Variants in KCP observed in about 807,000 individuals in gnomAD.
The protein encoded by KCP is kielin cysteine rich BMP regulator.
KCP carries 194 observed loss-of-function variants against 212.7 expected under a neutral mutation model. That is an observed-to-expected ratio of 0.91 (90% CI 0.81 to 1.03). The LOEUF is 1.03. Ranked by LOEUF, KCP falls within the 50% of genes least tolerant of loss-of-function variation. The pLI is 0.00. For synonymous variants in KCP, 833 were observed against 865.3 expected (o/e 0.96, Z 0.65); for missense variants, 2,080 against 2,162.5 (o/e 0.96, Z 0.76).
intron 13 of KCP, 96 bp from the exon 14 acceptor site, chr7:128,893,117 G>A (rs1794280719): frequency 5.5e-6 from 6 of 1,099,378 alleles, no homozygotes; most frequent in South Asian, 4.1e-5. Flanking sequence ...CATCCCCGCT[G>A]ACACTGTAGA....
intron 27 of KCP, 75 bp from the exon 28 acceptor site, chr7:128,884,938 A>G (rs760093408): frequency 2.7e-6 from 4 of 1,484,920 alleles, no homozygotes; most frequent in East Asian, 4.9e-5. Context: ...GGAGTCCTCT[A>G]TCTCCAGCCT....
chr7:128,890,891 C>G lies in KCP; in HGVS notation c.2164+14G>C. 8.0e-7 allele frequency: 1 copy of G among 1,248,528 alleles called. No individual in the cohort carries two copies. The highest frequency in any genetic ancestry group is 1.0e-6 in the Non-Finnish European group (1 of 1,000,996). 77.3% of individuals were successfully genotyped at this position (1,248,528 alleles called of 1,614,324 possible). A position where few individuals can be genotyped will look rare whatever the true frequency, so the allele number is the denominator to read the frequency against. ...GGACGCGGGTGGCCGGGAGGGGCACCGCCAGGGCGTTACCGTCGCAGGAGG... is the reference window on the plus strand; with the variant it reads ...GGACGCGGGTGGCCGGGAGGGGCACGGCCAGGGCGTTACCGTCGCAGGAGG... On this transcript the variant is annotated intron_variant, in intron 20 of 39. Transcript: ENST00000610776.
chr7:128,903,681 G>A lies in KCP; in HGVS notation c.748+46C>T, dbSNP rs376244988. 457 of 1,442,194 alleles carry A rather than the reference G, an allele frequency of 3.2e-4. No individual in the cohort carries two copies. The African/African-American group carries it at 5.1e-3, about 16-fold the overall frequency. 89.3% of individuals were successfully genotyped at this position (1,442,194 alleles called of 1,614,324 possible). On this transcript the variant is annotated intron_variant, in intron 7 of 39. Transcript: ENST00000610776. ...GGCTCTGGAATTCAAGAAATGGCAC[G>A]ACAACCTACCTGTGGCTCTACCAGG... is the stretch of plus-strand genomic sequence containing the variant.
At position 128,879,832 on chromosome 7, in the gene KCP, G is replaced by A. The variant is rs1018377894; in HGVS notation, c.3933-3C>T. On this transcript the variant is annotated splice_region_variant and splice_polypyrimidine_tract_variant and intron_variant, in intron 35 of 39. Coordinates refer to ENST00000610776, the MANE Select transcript of KCP (RefSeq NM_001366122.1). Reference sequence around the variant, plus strand: ...GGTCATCATTGGTCACGTGCACACTGTGGGCAGGAAAGTCCCAGGTGCCAA... The same window carrying A: ...GGTCATCATTGGTCACGTGCACACTATGGGCAGGAAAGTCCCAGGTGCCAA... The A allele has an allele frequency of 5.0e-5, 77 of 1,551,048 alleles. No homozygotes were observed. The Admixed American group carries it at 1.5e-3, about 30-fold the overall frequency.
chr7:128,882,421 T>C (rs1585198321), intron 29 of KCP, among the ~76,000 whole-genome samples: 1 of 152,320 alleles, frequency 6.6e-6, no homozygotes, highest in African/African-American at 2.4e-5. Context: ...ACTCAGTGCC[T>C]GTGCTTATTA....
rs1793690728 is a variant in KCP, at chr7:128,886,968, T to C, written c.2599-2A>G. The C allele has an allele frequency of 6.8e-7, 1 of 1,473,360 alleles. No individual in the cohort carries two copies. The highest frequency in any genetic ancestry group is 9.3e-7 in the Non-Finnish European group (1 of 1,080,040). 91.3% of individuals were successfully genotyped at this position (1,473,360 alleles called of 1,614,324 possible). ...CTTCTGGCAGCGCATGGAACCTTCCTGGGGGAGAGAGGCCCATCACACCCT... is the reference window on the plus strand; with the variant it reads ...CTTCTGGCAGCGCATGGAACCTTCCCGGGGGAGAGAGGCCCATCACACCCT... On this transcript the variant is annotated splice_acceptor_variant, in intron 23 of 39. Transcript: ENST00000610776. LOFTEE classifies it high-confidence loss of function.
chr7:128,907,466 G>C lies in KCP; in HGVS notation c.220-13C>G. 6.9e-7 allele frequency: 1 copy of C among 1,454,960 alleles called. No individual in the cohort carries two copies. Among genetic ancestry groups the C allele is most frequent in the Non-Finnish European group, 9.1e-7 (1 of 1,094,310 alleles). The allele number at this position is 1,454,960 out of a possible 1,614,324, so 90.1% of individuals were successfully genotyped here. Reference sequence around the variant, plus strand: ...GCAGGTCCTTATTCTGGAGGAAGGAGATGGAATAGCAGGCACTGGCTCAGC... The same window carrying C: ...GCAGGTCCTTATTCTGGAGGAAGGACATGGAATAGCAGGCACTGGCTCAGC... On this transcript the variant is annotated splice_polypyrimidine_tract_variant and intron_variant, in intron 2 of 39. Coordinates refer to ENST00000610776, the MANE Select transcript of KCP (RefSeq NM_001366122.1).
chr7:128,903,473 G>A (rs991640876), intron 7 of KCP: 2 of 552,784 alleles, frequency 3.6e-6, no homozygotes, highest in African/African-American at 1.9e-5. Context: ...TGATTGGGGA[G>A]CACAAAGTAG....
intron 29 of KCP, among the ~76,000 whole-genome samples, chr7:128,882,684 C>A (rs553558496): frequency 6.6e-6 from 1 of 152,112 alleles, no homozygotes; most frequent in African/African-American, 2.4e-5. Context: ...GCATTATGAA[C>A]GTATTTAATA....
rs1055723109 is a variant in KCP at position 128,877,263 on chromosome 7, G to A, written c.4667C>T (p.Pro1556Leu). 2 of 1,500,294 alleles carry A rather than the reference G, an allele frequency of 1.3e-6. No homozygotes were observed. The highest frequency in any genetic ancestry group is 2.5e-5 in the East Asian group (1 of 40,494). The allele number at this position is 1,500,294 out of a possible 1,614,324, so 92.9% of individuals were successfully genotyped here. A position where few individuals can be genotyped will look rare whatever the true frequency, so the allele number is the denominator to read the frequency against. Residue 1556 changes from proline to leucine, a missense_variant, in exon 40 of 40, where the codon CCA (proline) becomes CTA (leucine). Coordinates refer to ENST00000610776, the MANE Select transcript of KCP (RefSeq NM_001366122.1). ...ATTGAAGCAGGTGCGGGGACAGGGT[G>A]GGCCGCACTCATCAAACACGAAGCC... ...ERGFVFDECGPPCPRTCFNQH... is the reference protein window; with the variant it reads ...ERGFVFDECGLPCPRTCFNQH...
At chr7:128,904,194 T>C in intron 5 of KCP, 56 bp from the exon 6 acceptor site, 3 of 1,523,734 alleles carry the variant, frequency 2.0e-6, no homozygotes, top group Non-Finnish European at 2.7e-6. Context: ...TGGGTGGACA[T>C]CACTTGAGGT....
chr7:128,878,766 G>C, intron 37 of KCP, 44 bp from the exon 38 acceptor site: 1 of 1,522,686 alleles, frequency 6.6e-7, no homozygotes, highest in Non-Finnish European at 8.8e-7. Context: ...AAGGACAGGG[G>C]CCTTAAGAAG....
At position 128,886,640 on chromosome 7, in the gene KCP, C is replaced by G. The variant is rs754561590; in HGVS notation, c.2772+15G>C. 6.4e-7 allele frequency: 1 copy of G among 1,551,440 alleles called. No individual in the cohort carries two copies. Among genetic ancestry groups the G allele is most frequent in the Admixed American group, 2.0e-5 (1 of 50,992 alleles). ...GGTCCAGCTGTCACTCCACACCCCCCACCTCCTGCTATACCTGACAGCGAC... is the reference window on the plus strand; with the variant it reads ...GGTCCAGCTGTCACTCCACACCCCCGACCTCCTGCTATACCTGACAGCGAC... On this transcript the variant is annotated intron_variant, in intron 25 of 39. Coordinates refer to ENST00000610776, the MANE Select transcript of KCP (RefSeq NM_001366122.1).
intron 25 of KCP, 47 bp downstream of exon 25, chr7:128,886,608 G>A: frequency 6.4e-7 from 1 of 1,550,530 alleles, no homozygotes; most frequent in Non-Finnish European, 8.7e-7. Flanking sequence ...GGGCCCAGAG[G>A]TGCTATGGTC....
At chr7:128,908,060 C>G (rs1466066116) in intron 2 of KCP, among the ~76,000 whole-genome samples, 1 of 147,744 alleles carries the variant, frequency 6.8e-6, no homozygotes, top group East Asian at 2.0e-4. Flanking sequence ...ACCCAGGAGG[C>G]AGAGGTTGCA....
In KCP at chr7:128,884,763, C is replaced by G. The variant is rs904074679; in HGVS notation, c.3123+18G>C. ...CCCCGACGAGGTGCCCCAGCCCCAC[C>G]ACTGTGCCCTCACCTACCTCGCAGA... On this transcript the variant is annotated intron_variant, in intron 28 of 39. Coordinates refer to ENST00000610776, the MANE Select transcript of KCP (RefSeq NM_001366122.1). 6.4e-7 allele frequency: 1 copy of G among 1,550,594 alleles called. No individual in the cohort carries two copies. The highest frequency in any genetic ancestry group is 8.7e-7 in the Non-Finnish European group (1 of 1,146,674).
intron 8 of KCP, among the ~76,000 whole-genome samples, chr7:128,898,325 G>A (rs899478333): frequency 6.6e-6 from 1 of 152,122 alleles, no homozygotes; most frequent in African/African-American, 2.4e-5. Context: ...CAAAGTGCAG[G>A]GATTACAGGT....
intron 28 of KCP, among the ~76,000 whole-genome samples, chr7:128,884,410 G>A (rs1490240787): frequency 6.6e-6 from 1 of 152,142 alleles, no homozygotes; most frequent in African/African-American, 2.4e-5. Context: ...CCAGGCCCAT[G>A]GCTTAGTACC....
Position 128,900,775 on chromosome 7 carries a change from G to A in KCP, c.831+2002C>T, listed in dbSNP as rs1415475315. 2.6e-5 allele frequency among the ~76,000 whole-genome samples: 4 copies of A among 152,298 alleles called. No homozygotes were observed. The East Asian group carries it at 7.7e-4, about 29-fold the overall frequency. On this transcript the variant is annotated intron_variant, in intron 8 of 39. Transcript: ENST00000610776. ...AAGAGAGAGAGACCCTAATAGTTAGGCAGGAATATCATTGCCCCTATTCAG... is the reference window on the plus strand; with the variant it reads ...AAGAGAGAGAGACCCTAATAGTTAGACAGGAATATCATTGCCCCTATTCAG...
Sources: allele counts gnomAD v4.1 joint callset (sites outside exome capture counted in the v4.1 genomes callset), GRCh38; gene constraint gnomAD v4.1.1; transcripts MANE v1.5; gene names NCBI Gene and HGNC (gene_info 2026-07-23, HGNC 2026-07-21).